The following ITPR1 variants were observed in gnomAD, a reference collection of about 807,000 sequenced individuals.
The protein encoded by ITPR1 is inositol 1,4,5-trisphosphate-gated calcium channel ITPR1.
A neutral mutation model predicts 318.4 loss-of-function variants in ITPR1; 96 were observed. The observed-to-expected ratio is 0.30, with a 90% CI of 0.26 to 0.36. ITPR1 has a LOEUF of 0.36. ITPR1 is among the 10% of genes least tolerant of loss of function. The pLI, the probability that ITPR1 is intolerant of heterozygous loss-of-function variation, is 1.00. For synonymous variants in ITPR1, 1,312 were observed against 1,289.9 expected (o/e 1.02, Z -0.37); for missense variants, 2,440 against 3,460.2 (o/e 0.71, Z 7.40).
intron 60 of ITPR1, among the ~76,000 whole-genome samples, chr3:4,829,428 G>A (rs1445839828): frequency 1.3e-5 from 2 of 151,088 alleles, no homozygotes; most frequent in Non-Finnish European, 2.9e-5. Flanking sequence ...TTCCGGGTAT[G>A]GAATCCCATT....
chr3:4,589,805 C>T (rs2090233199), intron 4 of ITPR1, among the ~76,000 whole-genome samples: 1 of 152,114 alleles, frequency 6.6e-6, no homozygotes, highest in Non-Finnish European at 1.5e-5. Context: ...AACCTCATGC[C>T]TGGGATACAT....
At chr3:4,649,106 T>C (rs889286478) in intron 10 of ITPR1, among the ~76,000 whole-genome samples, 5 of 152,180 alleles carry the variant, frequency 3.3e-5, no homozygotes, top group Non-Finnish European at 7.3e-5. Context: ...AAATGGAGAC[T>C]TTCTCATCTT....
At chr3:4,641,095 C>G (rs535306188) in intron 6 of ITPR1, among the ~76,000 whole-genome samples, 40 of 152,276 alleles carry the variant, frequency 2.6e-4, no homozygotes, top group African/African-American at 9.6e-4. Flanking sequence ...GGAGGATAAT[C>G]GCAATTAGCA....
chr3:4,524,427 A>G (rs753405350), intron 4 of ITPR1, among the ~76,000 whole-genome samples: 42 of 148,426 alleles, frequency 2.8e-4, no homozygotes, highest in Non-Finnish European at 1.0e-4. Context: ...GAAATTGTGC[A>G]TAGGGCAGTT....
chr3:4,642,348 A>C (rs1164216321), intron 7 of ITPR1, 97 bp downstream of exon 7: 21 of 950,582 alleles, frequency 2.2e-5, no homozygotes, highest in Non-Finnish European at 2.9e-5. Context: ...AGTTGGAACC[A>C]GAGGCTTGTC....
intron 39 of ITPR1, among the ~76,000 whole-genome samples, chr3:4,713,131 C>T (rs369853665): frequency 2.3e-4 from 35 of 152,240 alleles, no homozygotes; most frequent in African/African-American, 7.9e-4. Context: ...AATACACTTA[C>T]CAGACAAATA....
At chr3:4,673,520 G>A (rs889190167) in intron 21 of ITPR1, 133 bp downstream of exon 21, 1 of 950,868 alleles carries the variant, frequency 1.1e-6, no homozygotes, top group Non-Finnish European at 1.5e-6. Context: ...AAATTAAGTG[G>A]ATGGCAAATA....
At chr3:4,798,742 G>A (rs1394555603) in intron 53 of ITPR1, among the ~76,000 whole-genome samples, 2 of 152,170 alleles carry the variant, frequency 1.3e-5, no homozygotes, top group Non-Finnish European at 2.9e-5. Context: ...CTATAATATA[G>A]TCAGCAATAA....
intron 4 of ITPR1, among the ~76,000 whole-genome samples, chr3:4,543,265 A>G (rs1011967983): frequency 2.0e-5 from 3 of 151,858 alleles, no homozygotes; most frequent in Non-Finnish European, 2.9e-5. Flanking sequence ...CTGTCTCAAA[A>G]AAAAAAAAGA....
chr3:4,717,485 T>G, intron 40 of ITPR1, 86 bp downstream of exon 40: 2 of 1,060,248 alleles, frequency 1.9e-6, no homozygotes, highest in Non-Finnish European at 2.9e-6. Flanking sequence ...ATCCTTCCTC[T>G]AGTCTCACAG....
intron 30 of ITPR1, among the ~76,000 whole-genome samples, chr3:4,686,235 C>A (rs556486885): frequency 6.6e-6 from 1 of 152,294 alleles, no homozygotes; most frequent in South Asian, 2.1e-4. Context: ...TTCCCTATGC[C>A]TGTCGCCTTC....
chr3:4,808,417 C>T (rs888397075), intron 55 of ITPR1, among the ~76,000 whole-genome samples: 7 of 152,204 alleles, frequency 4.6e-5, no homozygotes, highest in Non-Finnish European at 8.8e-5. Context: ...TGGCATTTCA[C>T]GTTCCAGTTT....
rs140508469 is a variant in ITPR1 at position 4,610,759 on chromosome 3, A to G, written c.164-17004A>G. On this transcript the variant is annotated intron_variant, in intron 4 of 61. Transcript: ENST00000649015. ...ATTTTTTTTGTGCACCACTTATTCCACAGGTCCGCCCAGCTATGGCCTCCT... is the reference window on the plus strand; with the variant it reads ...ATTTTTTTTGTGCACCACTTATTCCGCAGGTCCGCCCAGCTATGGCCTCCT... Among the ~76,000 whole-genome samples the G allele has an allele frequency of 4.6e-3, 702 of 152,126 alleles. 4 individuals carry two copies. Among genetic ancestry groups the G allele is most frequent in the Non-Finnish European group, 6.6e-3 (452 of 67,988 alleles).
At chr3:4,702,029 A>G (rs1371758877) in intron 35 of ITPR1, among the ~76,000 whole-genome samples, 1 of 152,186 alleles carries the variant, frequency 6.6e-6, no homozygotes, top group East Asian at 1.9e-4. Context: ...CGAAAAGACC[A>G]GTTGAATAGC....
rs764665425 is a variant in ITPR1 at position 4,665,260 on chromosome 3, G to A, written c.1677G>A (p.Val559=). 1 of 1,613,848 alleles carries A rather than the reference G, an allele frequency of 6.2e-7. No homozygotes were observed. Among genetic ancestry groups the A allele is most frequent in the East Asian group, 2.2e-5 (1 of 44,882 alleles). The change falls in exon 17 of 62, where the codon GTG becomes GTA. Residue 559 remains valine, a synonymous_variant. Coordinates refer to ENST00000649015, the MANE Select transcript of ITPR1 (RefSeq NM_001378452.1). The part of the protein sequence containing the change: ...FRHICRLCYR[V]LRHSQQDYRK... The stretch of plus-strand genomic sequence containing the variant: ...ACATCTGCCGGCTCTGCTACAGGGT[G>A]CTGAGACACTCGCAGCAAGACTACA...
chr3:4,802,825 TAAA>T (rs529196175), intron 54 of ITPR1, among the ~76,000 whole-genome samples: 1 of 141,114 alleles, frequency 7.1e-6, no homozygotes, highest in Non-Finnish European at 1.5e-5. Context: ...TGAGACTGAT[TAAA>T]AAAAAAAAGA....
At chr3:4,717,281 A>G in intron 39 of ITPR1, 86 bp from the exon 40 acceptor site, 2 of 1,144,300 alleles carry the variant, frequency 1.7e-6, no homozygotes, top group Non-Finnish European at 2.6e-6. Flanking sequence ...AACGTCAGCA[A>G]TAAGAGTAAA....
At chr3:4,821,032 G>T (rs891521945) in intron 60 of ITPR1, among the ~76,000 whole-genome samples, 1 of 152,222 alleles carries the variant, frequency 6.6e-6, no homozygotes, top group African/African-American at 2.4e-5. Context: ...CCCACTGAGC[G>T]GGGGCATCCT....
At chr3:4,801,870 C>G (rs1036693420) in intron 54 of ITPR1, among the ~76,000 whole-genome samples, 4 of 152,096 alleles carry the variant, frequency 2.6e-5, no homozygotes, top group African/African-American at 9.7e-5. Context: ...TTTCGTGGGC[C>G]CCATAGGCCA....
Sources: gnomAD v4.1 joint callset for allele counts (sites outside exome capture counted in the v4.1 genomes callset) on GRCh38, gnomAD v4.1.1 for gene constraint, MANE v1.5 for transcripts, NCBI Gene and HGNC (gene_info 2026-07-23, HGNC 2026-07-21) for gene names.